The following DMD variants were observed in gnomAD, a reference collection of about 807,000 sequenced individuals.
DMD encodes mutant dystrophin.
Under a neutral mutation model 330.1 loss-of-function variants are expected in DMD, and 63 were observed. The observed-to-expected ratio is 0.19, with a 90% confidence interval of 0.16 to 0.24. DMD has a LOEUF of 0.24. DMD is among the 10% of genes least tolerant of loss of function. DMD has a pLI of 1.00. For synonymous variants in DMD, 1,223 were observed against 959.8 expected, an observed-to-expected ratio of 1.27 and a Z score of -5.07; for missense variants, 3,344 against 2,684.1, an observed-to-expected ratio of 1.25 and a Z score of -5.43.
At position 31,865,332 on chromosome X, in the gene DMD, C is replaced by T. The variant is rs376904975; in HGVS notation, c.7098+9856G>A. Among the ~76,000 whole-genome samples, 11 of 111,981 alleles carry T rather than the reference C, an allele frequency of 9.8e-5. No homozygotes were observed. The East Asian group carries it at 2.2e-3, about 23-fold the overall frequency. The stretch of plus-strand genomic sequence containing the variant: ...AAAGGGAATAATTTGTCTTTTTGTC[C>T]AGTAACTGTCATCCAGTGTTTTTCA... On this transcript the variant is annotated intron_variant, in intron 48 of 78. Transcript: ENST00000357033.
chrX:31,236,271 C>CA (rs762256570), intron 63 of DMD, among the ~76,000 whole-genome samples: 2 of 112,326 alleles, frequency 1.8e-5, no homozygotes, highest in African/African-American at 6.5e-5. Context: ...TCTTGTTCTA[C>CA]AAAAAATATC....
intron 1 of DMD, among the ~76,000 whole-genome samples, chrX:33,303,575 C>T (rs1457273762): frequency 3.6e-5 from 4 of 111,361 alleles, no homozygotes; most frequent in Admixed American, 9.6e-5. Flanking sequence ...CCATAATCCC[C>T]CTGTGTGGTG....
chrX:33,269,017 C>T (rs985366793), intron 1 of DMD, among the ~76,000 whole-genome samples: 3 of 110,559 alleles, frequency 2.7e-5, no homozygotes, highest in Non-Finnish European at 5.7e-5. Flanking sequence ...GCCCCCGTGG[C>T]AAGCAGTTTG....
chrX:31,799,740 C>A (rs2091978288), intron 50 of DMD, among the ~76,000 whole-genome samples: 1 of 112,144 alleles, frequency 8.9e-6, no homozygotes, highest in Non-Finnish European at 1.9e-5. Context: ...GTCCCATCCG[C>A]CTATGAGCCT....
At chrX:33,255,821 T>G (rs1293554642) in intron 1 of DMD, among the ~76,000 whole-genome samples, 1 of 111,895 alleles carries the variant, frequency 8.9e-6, no homozygotes, top group Admixed American at 9.5e-5. Flanking sequence ...GCCAATTTGA[T>G]AAAATATCAC....
chrX:32,083,677 A>G (rs779308323), intron 44 of DMD, among the ~76,000 whole-genome samples: 7 of 112,836 alleles, frequency 6.2e-5, no homozygotes, highest in African/African-American at 2.2e-4. Flanking sequence ...AAGTGCCACA[A>G]AACAATTCAA....
chrX:32,120,935 G>A (rs764742057), intron 44 of DMD, among the ~76,000 whole-genome samples: 3 of 112,365 alleles, frequency 2.7e-5, no homozygotes, highest in African/African-American at 9.7e-5. Context: ...CCAAATTTCT[G>A]AAATTCTGGC....
At chrX:32,741,143 C>A (rs1328914418) in intron 7 of DMD, among the ~76,000 whole-genome samples, 1 of 111,364 alleles carries the variant, frequency 9.0e-6, no homozygotes, top group Non-Finnish European at 1.9e-5. Context: ...CTGTAATAAT[C>A]ATAATAACGC....
At position 33,267,417 on chromosome X, in the gene DMD, T is replaced by C. The variant is rs113407466; in HGVS notation, c.7+71842A>G. On this transcript the variant is annotated intron_variant, in intron 1 of 17. Coordinates refer to the DMD transcript ENST00000288447. ...GAAGAAACAATATAATTAAAATGGC[T>C]ATACTGCACAAAACAACTTATAGAT... is the stretch of plus-strand genomic sequence containing the variant. Among the ~76,000 whole-genome samples, 936 of 111,289 alleles carry C rather than the reference T, an allele frequency of 8.4e-3. 4 individuals are homozygous for C. The highest frequency in any genetic ancestry group is 0.029 in the African/African-American group (881 of 30,622).
chrX:31,993,594 T>A (rs189377841), intron 44 of DMD, among the ~76,000 whole-genome samples: 251 of 111,690 alleles, frequency 2.2e-3, no homozygotes, highest in African/African-American at 7.6e-3. Flanking sequence ...GACTGTATTA[T>A]GTGAAATGAA....
intron 7 of DMD, among the ~76,000 whole-genome samples, chrX:32,781,941 G>A (rs769021758): frequency 6.8e-4 from 76 of 111,143 alleles, no homozygotes; most frequent in Non-Finnish European, 1.1e-3. Flanking sequence ...AACTAAGATA[G>A]CAAGATATCT....
intron 63 of DMD, among the ~76,000 whole-genome samples, chrX:31,225,452 C>T (rs750132287): frequency 6.2e-4 from 69 of 112,122 alleles, no homozygotes; most frequent in African/African-American, 1.8e-3. Context: ...AGAAACACTC[C>T]CTGCCTTTAA....
intron 1 of DMD, among the ~76,000 whole-genome samples, chrX:33,223,690 A>T (rs1479814797): frequency 8.9e-6 from 1 of 112,274 alleles, no homozygotes; most frequent in Non-Finnish European, 1.9e-5. Context: ...TTTAGATATA[A>T]CACCAAAGAC....
At chrX:32,287,806 C>T in intron 42 of DMD, 105 bp from the exon 43 acceptor site, 1 of 554,253 alleles carries the variant, frequency 1.8e-6, no homozygotes. Flanking sequence ...AATGGTGTTG[C>T]AATTCTTAAT....
intron 9 of DMD, among the ~76,000 whole-genome samples, chrX:32,681,353 C>A (rs7049974): frequency 0.047 from 5,180 of 111,199 alleles, 277 homozygotes; most frequent in African/African-American, 0.16. Flanking sequence ...TTTGTACGAT[C>A]TCTCCAATCA....
intron 7 of DMD, among the ~76,000 whole-genome samples, chrX:32,729,557 A>G (rs759743993): frequency 9.0e-6 from 1 of 111,246 alleles, no homozygotes; most frequent in South Asian, 3.7e-4. Context: ...TCTTATCTTA[A>G]CCACCCCCCC....
intron 2 of DMD, among the ~76,000 whole-genome samples, chrX:32,862,811 A>G (rs766908682): frequency 1.8e-5 from 2 of 110,962 alleles, no homozygotes; most frequent in Non-Finnish European, 3.8e-5. Flanking sequence ...ATCTTGGCTC[A>G]CTGCAACCTC....
At position 32,362,825 on chromosome X, in the gene DMD, C is replaced by T. The variant is rs398123982; in HGVS notation, c.5288G>A (p.Arg1763Gln). The stretch of plus-strand genomic sequence containing the variant: ...AATTCTGTGTGAAATGGCTGCAAAT[C>T]GATGGTTGAGCTCTGAGATTTGGGG... The part of the protein sequence containing the change: ...VEPQISELNH[R>Q]FAAISHRIKT... Residue 1763 changes from arginine to glutamine, a missense_variant, in exon 37 of 79, where the codon CGA becomes CAA. By Grantham distance (43) the Arg-to-Gln change is conservative. Coordinates refer to ENST00000357033, the MANE Select transcript of DMD (RefSeq NM_004006.3). 1 of 1,211,032 alleles carries T rather than the reference C, an allele frequency of 8.3e-7. No homozygotes were observed. Among genetic ancestry groups the T allele is most frequent in the Non-Finnish European group, 1.1e-6 (1 of 895,377 alleles).
chrX:31,139,320 C>T (rs1374056261), intron 76 of DMD, among the ~76,000 whole-genome samples: 1 of 111,600 alleles, frequency 9.0e-6, no homozygotes, highest in Non-Finnish European at 1.9e-5. Context: ...TACTGGATAT[C>T]TACCCAAAGG....
Sources: allele counts gnomAD v4.1 joint callset (sites outside exome capture counted in the v4.1 genomes callset), GRCh38; gene constraint gnomAD v4.1.1; transcripts MANE v1.5; gene names NCBI Gene and HGNC (gene_info 2026-07-23, HGNC 2026-07-21).